The following ACSL5 variants were observed in gnomAD, a reference collection of about 807,000 sequenced individuals.
The protein encoded by ACSL5 is acyl-CoA synthetase long chain family member 5, also known as long-chain-fatty-acid--CoA ligase 5.
In ACSL5, 50 loss-of-function variants were observed where a neutral mutation model predicts 84.9. The ratio of observed to expected loss-of-function variants is 0.59; its 90% CI spans 0.47 to 0.75. The LOEUF (loss-of-function observed/expected upper bound fraction) is 0.75. ACSL5 is among the 30% of genes least tolerant of loss of function. ACSL5 has a pLI of 0.00. For synonymous variants in ACSL5, 280 were observed against 300.7 expected (o/e 0.93, Z 0.71); for missense variants, 775 against 830.4 (o/e 0.93, Z 0.82).
intron 1 of ACSL5, among the ~76,000 whole-genome samples, chr10:112,382,879 AACT>A (rs1266612050): frequency 3.3e-5 from 5 of 152,190 alleles, no homozygotes; most frequent in Non-Finnish European, 7.3e-5. Flanking sequence ...ATGGTGTGGA[AACT>A]ACTACTTAGC....
chr10:112,396,593 G>A (rs1843751927), intron 2 of ACSL5, among the ~76,000 whole-genome samples: 1 of 152,072 alleles, frequency 6.6e-6, no homozygotes, highest in Admixed American at 6.6e-5. Context: ...ATGTGCCTAA[G>A]TCTGTGACAC....
chr10:112,385,141 G>A (rs1849424924), intron 1 of ACSL5, among the ~76,000 whole-genome samples: 1 of 152,094 alleles, frequency 6.6e-6, no homozygotes, highest in Admixed American at 6.5e-5. Flanking sequence ...CTGCGTGCCA[G>A]CCATGGTTCT....
At chr10:112,425,902 G>A (rs145877511) in intron 18 of ACSL5, among the ~76,000 whole-genome samples, 66 of 152,206 alleles carry the variant, frequency 4.3e-4, no homozygotes, top group African/African-American at 1.5e-3. Flanking sequence ...ATGCTTAAAC[G>A]TAGCTTTAAG....
intron 1 of ACSL5, among the ~76,000 whole-genome samples, chr10:112,378,694 G>A (rs903899191): frequency 4.6e-5 from 7 of 152,226 alleles, no homozygotes; most frequent in South Asian, 4.1e-4. Context: ...CAAGGGTGAC[G>A]TAACCCCAGC....
At chr10:112,395,233 C>A in intron 2 of ACSL5, 131 bp downstream of exon 2, 1 of 874,694 alleles carries the variant, frequency 1.1e-6, no homozygotes, top group Non-Finnish European at 1.7e-6. Flanking sequence ...TACCAATCAA[C>A]AGGCAATATA....
At position 112,427,286 on chromosome 10, in the gene ACSL5, A is replaced by G; in HGVS notation, c.1980A>G (p.Lys660=). The change falls in exon 21 of 21, where the codon AAA becomes AAG. Residue 660 remains lysine, a synonymous_variant. Coordinates refer to ENST00000354655, the MANE Select transcript of ACSL5 (RefSeq NM_203379.2). ...IENGLLTPTL[K]AKRGELSKYF... The stretch of plus-strand genomic sequence containing the variant: ...ATGGGCTCTTGACACCAACATTGAA[A>G]GCAAAGCGAGGAGAGCTTTCCAAAT... 6.2e-7 allele frequency: 1 copy of G among 1,614,028 alleles called. No homozygotes were observed. Among genetic ancestry groups the G allele is most frequent in the Non-Finnish European group, 8.5e-7 (1 of 1,179,944 alleles).
At chr10:112,426,767 A>G (rs763853089) in intron 19 of ACSL5, 21 bp from the exon 20 acceptor site, 1 of 1,610,266 alleles carries the variant, frequency 6.2e-7, no homozygotes, top group Non-Finnish European at 8.5e-7. Flanking sequence ...CCATGCTTTA[A>G]GTGATGTTTT....
At chr10:112,375,813 C>T (rs1055643434) in intron 1 of ACSL5, among the ~76,000 whole-genome samples, 1 of 152,154 alleles carries the variant, frequency 6.6e-6, no homozygotes, top group Admixed American at 6.5e-5. Flanking sequence ...CTTGGCTTTG[C>T]CAGAACTTCT....
chr10:112,387,789 C>T (rs1042295604), intron 1 of ACSL5, among the ~76,000 whole-genome samples: 15 of 151,964 alleles, frequency 9.9e-5, no homozygotes, highest in African/African-American at 2.9e-4. Flanking sequence ...CCCATACATG[C>T]AAAAGAACAC....
chr10:112,421,219 C>G (rs553637880), intron 14 of ACSL5, among the ~76,000 whole-genome samples: 155 of 152,252 alleles, frequency 1.0e-3, no homozygotes, highest in Middle Eastern at 3.4e-3. Context: ...AGTACAATGG[C>G]GTGATTTCAG....
At chr10:112,385,472 A>G (rs780205599) in intron 1 of ACSL5, among the ~76,000 whole-genome samples, 4 of 152,260 alleles carry the variant, frequency 2.6e-5, no homozygotes, top group Admixed American at 6.5e-5. Flanking sequence ...GACAGCGTCA[A>G]ATGTACATTT....
intron 1 of ACSL5, among the ~76,000 whole-genome samples, chr10:112,385,890 C>A (rs1849439437): frequency 6.6e-6 from 1 of 152,104 alleles, no homozygotes; most frequent in African/African-American, 2.4e-5. Context: ...AAGAGAAAAT[C>A]TCTCCATACT....
intron 12 of ACSL5, among the ~76,000 whole-genome samples, chr10:112,416,470 C>CAAAAA (rs35770074): frequency 1.0e-4 from 6 of 58,386 alleles, no homozygotes; most frequent in African/African-American, 2.7e-4. Context: ...GACTCTGTCT[C>CAAAAA]AAAAAAAAAA....
intron 1 of ACSL5, among the ~76,000 whole-genome samples, chr10:112,391,471 T>G (rs1257024869): frequency 2.0e-5 from 3 of 152,204 alleles, no homozygotes; most frequent in Non-Finnish European, 4.4e-5. Context: ...GCTATTTCCA[T>G]TGACAAATAC....
chr10:112,421,553 T>C, intron 14 of ACSL5, 40 bp from the exon 15 acceptor site: 1 of 1,593,918 alleles, frequency 6.3e-7, no homozygotes, highest in South Asian at 1.1e-5. Flanking sequence ...GCTCACACTT[T>C]ATCTTGAGTA....
At chr10:112,400,689 G>A (rs1375242061) in intron 3 of ACSL5, among the ~76,000 whole-genome samples, 1 of 151,964 alleles carries the variant, frequency 6.6e-6, no homozygotes, top group Non-Finnish European at 1.5e-5. Flanking sequence ...TTACAGGTGT[G>A]AGCCACCATG....
chr10:112,418,802 G>T, intron 14 of ACSL5: 1 of 154,708 alleles, frequency 6.5e-6, no homozygotes, highest in Non-Finnish European at 1.4e-5. Context: ...AAGTGGAAAT[G>T]GATCATCATA....
intron 1 of ACSL5, among the ~76,000 whole-genome samples, chr10:112,384,778 A>G (rs1483653045): frequency 1.3e-5 from 2 of 152,136 alleles, no homozygotes; most frequent in East Asian, 1.9e-4. Context: ...CAGCCTTCCA[A>G]AGTACTGGGA....
chr10:112,400,412 T>TTC (rs1554862527), intron 3 of ACSL5, among the ~76,000 whole-genome samples: 8 of 114,188 alleles, frequency 7.0e-5, no homozygotes, highest in African/African-American at 2.4e-4. Context: ...TTTTCTTTTT[T>TTC]TTTTTTTTTT....
Sources: allele counts gnomAD v4.1 joint callset (sites outside exome capture counted in the v4.1 genomes callset), GRCh38; gene constraint gnomAD v4.1.1; transcripts MANE v1.5; gene names NCBI Gene and HGNC (gene_info 2026-07-23, HGNC 2026-07-21).